Variants in ADGRV1 observed in about 807,000 individuals in gnomAD.
The protein encoded by ADGRV1 is G-protein coupled receptor 98.
A neutral mutation model predicts 596.2 loss-of-function variants in ADGRV1; 359 were observed. The ratio of observed to expected loss-of-function variants is 0.60; its 90% CI spans 0.55 to 0.66. The LOEUF is 0.66. ADGRV1 is among the 30% of genes least tolerant of loss of function. ADGRV1 has a pLI of 0.00. For missense variants in ADGRV1, 7,274 were observed against 7,575.6 expected, an observed-to-expected ratio of 0.96 and a Z score of 1.48; for synonymous variants, 2,681 against 2,679.2, an observed-to-expected ratio of 1.00 and a Z score of -0.02.
At chr5:90,721,376 C>T (rs935277126) in intron 45 of ADGRV1, among the ~76,000 whole-genome samples, 5 of 151,420 alleles carry the variant, frequency 3.3e-5, no homozygotes, top group African/African-American at 4.8e-5. Flanking sequence ...TAGTGGCAGG[C>T]GCCTGTGGTC....
At chr5:91,107,804 A>G (rs886741661) in intron 87 of ADGRV1, among the ~76,000 whole-genome samples, 1 of 152,214 alleles carries the variant, frequency 6.6e-6, no homozygotes, top group Non-Finnish European at 1.5e-5. Context: ...CCTTAGGATT[A>G]TAATGATAGC....
intron 75 of ADGRV1, among the ~76,000 whole-genome samples, chr5:90,822,670 T>G (rs1763683320): frequency 6.6e-6 from 1 of 152,162 alleles, no homozygotes; most frequent in South Asian, 2.1e-4. Flanking sequence ...GTGAAGAAAG[T>G]CATTGGTAGC....
chr5:90,995,071 A>G (rs186408102), intron 85 of ADGRV1, among the ~76,000 whole-genome samples: 86 of 152,332 alleles, frequency 5.6e-4, no homozygotes, highest in African/African-American at 2.0e-3. Context: ...TTAAATTCCC[A>G]GGAATGTATT....
intron 1 of ADGRV1, among the ~76,000 whole-genome samples, chr5:90,607,687 A>G (rs535174937): frequency 1.2e-4 from 19 of 152,282 alleles, no homozygotes; most frequent in African/African-American, 4.3e-4. Context: ...GGACTTTCTA[A>G]TAAGTGGTTC....
At chr5:90,730,161 C>G (rs372911391) in intron 50 of ADGRV1, among the ~76,000 whole-genome samples, 25 of 152,198 alleles carry the variant, frequency 1.6e-4, no homozygotes, top group African/African-American at 5.8e-4. Context: ...CCAGCCGACT[C>G]TGGGTATTTT....
chr5:90,729,984 G>T (rs888259299), intron 50 of ADGRV1, among the ~76,000 whole-genome samples: 1 of 151,986 alleles, frequency 6.6e-6, no homozygotes, highest in Non-Finnish European at 1.5e-5. Context: ...TCCTGCCTCA[G>T]TCTCCCCAGT....
At chr5:90,581,205 C>T (rs905015938) in intron 1 of ADGRV1, among the ~76,000 whole-genome samples, 25 of 152,146 alleles carry the variant, frequency 1.6e-4, no homozygotes, top group African/African-American at 5.3e-4. Context: ...AGAACATGCT[C>T]ATTTAGCTCG....
chr5:90,904,340 T>G (rs1772122808), intron 83 of ADGRV1, among the ~76,000 whole-genome samples: 1 of 152,150 alleles, frequency 6.6e-6, no homozygotes, highest in Admixed American at 6.5e-5. Context: ...ACCTCCAAAC[T>G]GTTCTCTGTA....
At chr5:90,565,123 A>G (rs1202576795) in intron 1 of ADGRV1, among the ~76,000 whole-genome samples, 1 of 152,032 alleles carries the variant, frequency 6.6e-6, no homozygotes, top group Non-Finnish European at 1.5e-5. Context: ...TGTATTGCCA[A>G]CTACTTGGGA....
intron 85 of ADGRV1, among the ~76,000 whole-genome samples, chr5:91,070,499 T>C (rs1342375443): frequency 6.6e-6 from 1 of 152,172 alleles, no homozygotes; most frequent in East Asian, 1.9e-4. Context: ...CTATTAAGGT[T>C]TCTTGTAATT....
intron 54 of ADGRV1, among the ~76,000 whole-genome samples, chr5:90,754,419 G>T (rs1348455306): frequency 2.6e-5 from 4 of 152,044 alleles, no homozygotes; most frequent in African/African-American, 7.2e-5. Flanking sequence ...AATAGTCAAT[G>T]GGAAAAATAC....
intron 85 of ADGRV1, among the ~76,000 whole-genome samples, chr5:91,040,879 G>A (rs1785284523): frequency 6.6e-6 from 1 of 152,136 alleles, no homozygotes; most frequent in South Asian, 2.1e-4. Context: ...TTGCATCCAG[G>A]TCATCATGGA....
rs2149552937 is a variant in ADGRV1 at position 90,676,089 on chromosome 5, G to A, written c.5323G>A (p.Gly1775Ser). ...FSPEDYQNVA[G>S]TLEFQPGERY... ...GTCTTTTATATTTCAGAATGTTGCTGGCACATTAGAATTTCAACCAGGAGA... is the reference window on the plus strand; with the variant it reads ...GTCTTTTATATTTCAGAATGTTGCTAGCACATTAGAATTTCAACCAGGAGA... The change falls in exon 25 of 90, where the codon GGC becomes AGC. Residue 1775 changes from glycine to serine, a missense_variant. Physicochemically the swap from Gly to Ser is moderately conservative, Grantham distance 56 (BLOSUM62 0). Transcript: ENST00000405460. 6.3e-7 allele frequency: 1 copy of A among 1,597,398 alleles called. No homozygotes were observed. Among genetic ancestry groups the A allele is most frequent in the Non-Finnish European group, 8.5e-7 (1 of 1,169,668 alleles).
chr5:90,943,476 C>T (rs1425424642), intron 83 of ADGRV1, among the ~76,000 whole-genome samples: 1 of 152,122 alleles, frequency 6.6e-6, no homozygotes, highest in African/African-American at 2.4e-5. Context: ...TTCACCTTTA[C>T]CTGACCCTCA....
intron 1 of ADGRV1, among the ~76,000 whole-genome samples, chr5:90,595,023 G>C (rs1278202821): frequency 1.2e-3 from 180 of 145,942 alleles, no homozygotes; most frequent in Non-Finnish European, 1.9e-3. Flanking sequence ...CGGGGTGGTG[G>C]CCGGGCAGAG....
chr5:90,835,412 T>A (rs895427223), intron 77 of ADGRV1, among the ~76,000 whole-genome samples: 6 of 152,218 alleles, frequency 3.9e-5, no homozygotes, highest in Non-Finnish European at 7.3e-5. Flanking sequence ...CCTCTGTGTC[T>A]GTGCTGAACT....
intron 83 of ADGRV1, chr5:90,929,766 T>G (rs1775034257): frequency 2.0e-5 from 3 of 152,226 alleles, no homozygotes; most frequent in Admixed American, 2.0e-4. Flanking sequence ...TTAAATAGCT[T>G]TTGATCATAT....
At chr5:91,008,665 G>A (rs531679053) in intron 85 of ADGRV1, among the ~76,000 whole-genome samples, 13 of 151,974 alleles carry the variant, frequency 8.6e-5, no homozygotes, top group South Asian at 2.1e-4. Flanking sequence ...CACCATGCCC[G>A]GCTAATTTTT....
rs767418102 is a variant in ADGRV1, at chr5:91,072,652, G to A, written c.18310+48G>A. ...ACTTTGGAGATGGAAACGCTTTAAT[G>A]GTGGGAAAATGTCACTGAATTTTTT... On this transcript the variant is annotated intron_variant, in intron 86 of 89. Transcript: ENST00000405460. The A allele has an allele frequency of 5.7e-6, 9 of 1,567,048 alleles. No individual in the cohort carries two copies. The Admixed American group carries it at 1.7e-4, about 29-fold the overall frequency.
Sources: gnomAD v4.1 joint callset for allele counts (sites outside exome capture counted in the v4.1 genomes callset) on GRCh38, gnomAD v4.1.1 for gene constraint, MANE v1.5 for transcripts, NCBI Gene and HGNC (gene_info 2026-07-23, HGNC 2026-07-21) for gene names.